NPFFR2: variants seen among roughly 807,000 people sequenced by gnomAD.
NPFFR2 encodes G-protein coupled receptor 74.
NPFFR2 carries 15 observed loss-of-function variants against 13.1 expected under a neutral mutation model. That is an observed-to-expected ratio of 1.15 (90% CI 0.77 to 1.76). The LOEUF (loss-of-function observed/expected upper bound fraction) is 1.76, where lower values mean the gene tolerates loss of function less well. NPFFR2 is among the 40% of genes most tolerant of loss of function. The pLI is 0.00. For synonymous variants in NPFFR2, 190 were observed against 175.7 expected (o/e 1.08, Z -0.65); for missense variants, 572 against 503.5 (o/e 1.14, Z -1.30).
At chr4:72,050,767 C>A in intron 1 of NPFFR2, among the ~76,000 whole-genome samples, 2 of 149,062 alleles carry the variant, frequency 1.3e-5, no homozygotes, top group Non-Finnish European at 3.0e-5. Flanking sequence ...TCCCACCTCC[C>A]CCCACCCCAC....
At chr4:72,046,117 C>A (rs181153400) in intron 1 of NPFFR2, among the ~76,000 whole-genome samples, 248 of 152,158 alleles carry the variant, frequency 1.6e-3, no homozygotes, top group Middle Eastern at 6.8e-3. Context: ...GCTGCCATGA[C>A]TTGGTTAAAT....
At chr4:72,121,940 A>C (rs1013894115) in intron 1 of NPFFR2, among the ~76,000 whole-genome samples, 2 of 152,226 alleles carry the variant, frequency 1.3e-5, no homozygotes, top group African/African-American at 4.8e-5. Flanking sequence ...TGCCCCAAGT[A>C]AAAGACACAC....
At chr4:72,078,125 G>A (rs1012996319) in intron 1 of NPFFR2, among the ~76,000 whole-genome samples, 1 of 151,928 alleles carries the variant, frequency 6.6e-6, no homozygotes, top group Non-Finnish European at 1.5e-5. Context: ...AGATGCCATG[G>A]GTAATCAGCC....
intron 1 of NPFFR2, among the ~76,000 whole-genome samples, chr4:72,061,734 G>T (rs924043879): frequency 5.9e-5 from 9 of 152,110 alleles, no homozygotes; most frequent in Admixed American, 5.9e-4. Flanking sequence ...GTTGAACAAT[G>T]AGAACACATG....
At position 72,147,223 on chromosome 4, in the gene NPFFR2, CCAACA is replaced by C; in HGVS notation, c.675_679del (p.Asn226LeufsTer47). The C allele has an allele frequency of 6.2e-7, 1 of 1,614,144 alleles. No homozygotes were observed. ...AAGATCTACACCACTGTGCTGTTTG[CCAACA>C]TCTACCTGGCTCCCCTCTCCCTCAT... On this transcript the variant is annotated frameshift_variant, in exon 4 of 4. Transcript: ENST00000308744. LOFTEE classifies it low-confidence loss of function (END_TRUNC).
intron 1 of NPFFR2, among the ~76,000 whole-genome samples, chr4:72,127,253 G>C (rs28448856): frequency 9.1e-6 from 1 of 109,498 alleles, no homozygotes; most frequent in East Asian, 2.9e-4. Flanking sequence ...GCAGTGAGCC[G>C]AGATCGCGCC....
intron 1 of NPFFR2, among the ~76,000 whole-genome samples, chr4:72,048,687 A>AT (rs916146014): frequency 7.9e-5 from 12 of 151,636 alleles, no homozygotes; most frequent in African/African-American, 2.9e-4. Flanking sequence ...ATGAGTACTA[A>AT]TTTTTTTTTA....
chr4:72,039,968 T>G (rs1719161204), intron 1 of NPFFR2, among the ~76,000 whole-genome samples: 1 of 152,186 alleles, frequency 6.6e-6, no homozygotes, highest in South Asian at 2.1e-4. Context: ...AAATATATTT[T>G]TATCTTCTTC....
chr4:72,131,610 T>C (rs1180327028), intron 2 of NPFFR2, among the ~76,000 whole-genome samples: 1 of 152,142 alleles, frequency 6.6e-6, no homozygotes, highest in African/African-American at 2.4e-5. Flanking sequence ...AAAAAATTGC[T>C]AGGAGTTATA....
chr4:72,036,491 C>G (rs1055604543), intron 1 of NPFFR2, among the ~76,000 whole-genome samples: 1 of 139,028 alleles, frequency 7.2e-6, no homozygotes, highest in South Asian at 2.3e-4. Flanking sequence ...GAGTTGGGTT[C>G]GGGTGGTGTG....
At chr4:72,089,946 A>G (rs1395354776) in intron 1 of NPFFR2, among the ~76,000 whole-genome samples, 1 of 152,004 alleles carries the variant, frequency 6.6e-6, no homozygotes, top group Non-Finnish European at 1.5e-5. Context: ...TAGAATTTTT[A>G]TGGTTTCAGG....
At chr4:72,132,591 T>A (rs1427163688) in intron 2 of NPFFR2, among the ~76,000 whole-genome samples, 1 of 152,246 alleles carries the variant, frequency 6.6e-6, no homozygotes, top group African/African-American at 2.4e-5. Flanking sequence ...TCCAGAATGG[T>A]TGAACTCATT....
chr4:72,033,490 T>C (rs1015777653), intron 1 of NPFFR2, among the ~76,000 whole-genome samples: 7 of 152,174 alleles, frequency 4.6e-5, no homozygotes, highest in Non-Finnish European at 8.8e-5. Context: ...AACATGTTAC[T>C]CATATATCAT....
chr4:72,104,822 A>G (rs891852589), intron 1 of NPFFR2, among the ~76,000 whole-genome samples: 7 of 151,986 alleles, frequency 4.6e-5, no homozygotes, highest in Non-Finnish European at 5.9e-5. Context: ...AGTATGAAAT[A>G]TACATTCATA....
chr4:72,079,087 C>CACACAT (rs1553890218), intron 1 of NPFFR2, among the ~76,000 whole-genome samples: 2,479 of 143,258 alleles, frequency 0.017, 68 homozygotes, highest in African/African-American at 0.057. Flanking sequence ...CACACACACA[C>CACACAT]ATCTGTTGAA....
chr4:72,140,630 G>C (rs1560424051), intron 3 of NPFFR2, among the ~76,000 whole-genome samples: 2 of 152,160 alleles, frequency 1.3e-5, no homozygotes, highest in South Asian at 2.1e-4. Context: ...TGGTGGATAA[G>C]TTTTTTGATG....
chr4:72,138,124 C>G lies in NPFFR2; in HGVS notation c.413C>G (p.Ala138Gly). The G allele has an allele frequency of 1.9e-6, 3 of 1,612,844 alleles. No homozygotes were observed. The highest frequency in any genetic ancestry group is 2.5e-6 in the Non-Finnish European group (3 of 1,179,024). The change falls in exon 3 of 4, where the codon GCA becomes GGA. Residue 138 changes from alanine (A) to glycine (G), a missense_variant. Transcript: ENST00000308744. ...SVAASVFTLV[A>G]IAVDRFQCVV... ...GCAGCTTCAGTCTTTACGTTAGTTG[C>G]AATTGCTGTAGATAGGTAAGTCTGC...
At chr4:72,128,518 C>G in intron 1 of NPFFR2, 67 bp from the exon 2 acceptor site, 1 of 952,286 alleles carries the variant, frequency 1.1e-6, no homozygotes, top group Non-Finnish European at 1.6e-6. Flanking sequence ...CTCTTAAACT[C>G]AGGCACAGAA....
chr4:72,125,710 C>A (rs1045865532), intron 1 of NPFFR2, among the ~76,000 whole-genome samples: 1 of 152,224 alleles, frequency 6.6e-6, no homozygotes, highest in Non-Finnish European at 1.5e-5. Flanking sequence ...AAAGGCCCAT[C>A]AAGTTGGTCT....
Sources: gnomAD v4.1 joint callset for allele counts (sites outside exome capture counted in the v4.1 genomes callset) on GRCh38, gnomAD v4.1.1 for gene constraint, MANE v1.5 for transcripts, NCBI Gene and HGNC (gene_info 2026-07-23, HGNC 2026-07-21) for gene names.